Variants in TRPS1 observed in about 807,000 individuals in gnomAD.
TRPS1 encodes zinc finger transcription factor Trps1.
Under a neutral mutation model 101.2 loss-of-function variants are expected in TRPS1, and 6 were observed. That is an observed-to-expected ratio of 0.06 (90% confidence interval 0.03 to 0.12). The LOEUF (loss-of-function observed/expected upper bound fraction) is 0.12. Ranked by LOEUF, TRPS1 falls within the 10% of genes least tolerant of loss-of-function variation. The pLI is 1.00. For synonymous variants in TRPS1, 578 were observed against 589.8 expected (o/e 0.98, Z 0.29); for missense variants, 1,363 against 1,567.0 (o/e 0.87, Z 2.20).
rs2205379 is a variant in TRPS1 at position 115,625,231 on chromosome 8, C to A, written c.-121-1473G>T. ...AAAGAATCAAAACATGAGTAAAAAT[C>A]GTATGGAAATTGCATATCCAGTTTC... On this transcript the variant is annotated intron_variant, in intron 1 of 6. Transcript: ENST00000395715. Among the ~76,000 whole-genome samples, 1,432 of 151,898 alleles carry A rather than the reference C, an allele frequency of 9.4e-3. 30 individuals carry two copies. The highest frequency in any genetic ancestry group is 0.033 in the African/African-American group (1,376 of 41,496).
chr8:115,535,515 T>C (rs1347560921), intron 5 of TRPS1, among the ~76,000 whole-genome samples: 1 of 148,642 alleles, frequency 6.7e-6, no homozygotes, highest in African/African-American at 2.5e-5. Flanking sequence ...ATAGCGCATA[T>C]ATATAGCGCA....
rs1171556812 is a variant in TRPS1, at chr8:115,414,037, T to C, written c.3871A>G (p.Lys1291Glu). 1 of 1,613,652 alleles carries C rather than the reference T, an allele frequency of 6.2e-7. No homozygotes were observed. Among genetic ancestry groups the C allele is most frequent in the South Asian group, 1.1e-5 (1 of 91,030 alleles). Residue 1291 changes from lysine (K) to glutamate (E), a missense_variant, in exon 7 of 7, where the codon AAA becomes GAA. Around this residue, in one of 5 missense-constraint regions of TRPS1, gnomAD observed 307 missense variants for 392.4 expected, o/e 0.78. Transcript: ENST00000395715. This position sits in a 1 kb window ranked among gnomAD's most constrained non-coding sequence, Gnocchi z 4.8. ...GTGCTAAGGTTTTACTCTTTAGGTT[T>C]TCCATTTTTTTCCACTTGTGCATTG... ...RNNAQVEKNGKPKE is the reference protein window; with the variant it reads ...RNNAQVEKNGEPKE
chr8:115,424,186 T>C (rs1210150440), intron 5 of TRPS1, among the ~76,000 whole-genome samples: 2 of 152,236 alleles, frequency 1.3e-5, no homozygotes, highest in African/African-American at 4.8e-5. Flanking sequence ...ATCTTAGCCA[T>C]TTTAAATCGA....
At chr8:115,464,799 T>C (rs1272000477) in intron 5 of TRPS1, among the ~76,000 whole-genome samples, 1 of 152,112 alleles carries the variant, frequency 6.6e-6, no homozygotes, top group Non-Finnish European at 1.5e-5. Flanking sequence ...AAATTTTTTC[T>C]TACTGTCAGG....
chr8:115,456,073 G>A (rs974862455), intron 5 of TRPS1, among the ~76,000 whole-genome samples: 1 of 152,068 alleles, frequency 6.6e-6, no homozygotes, highest in African/African-American at 2.4e-5. Flanking sequence ...TGTGATAGGT[G>A]TGAGCCACGG....
At chr8:115,419,113 C>T (rs1435786089) in intron 5 of TRPS1, among the ~76,000 whole-genome samples, 1 of 152,092 alleles carries the variant, frequency 6.6e-6, no homozygotes, top group African/African-American at 2.4e-5. Flanking sequence ...AACATAGACC[C>T]TTCAATGGCT....
chr8:115,614,960 AC>A (rs1437335447), intron 3 of TRPS1, among the ~76,000 whole-genome samples: 1 of 152,222 alleles, frequency 6.6e-6, no homozygotes. Context: ...TGTTGAAAAT[AC>A]AAATCCAAAG....
intron 1 of TRPS1, among the ~76,000 whole-genome samples, chr8:115,625,541 T>G (rs994625253): frequency 6.6e-6 from 1 of 151,794 alleles, no homozygotes; most frequent in African/African-American, 2.4e-5. Context: ...TCCCCCAATA[T>G]TCATTCATTC....
intron 5 of TRPS1, among the ~76,000 whole-genome samples, chr8:115,554,815 T>C (rs980895084): frequency 2.0e-5 from 3 of 152,068 alleles, no homozygotes; most frequent in African/African-American, 7.2e-5. Context: ...CTGCTCTAGA[T>C]GGCACAGGTT....
At chr8:115,487,993 T>C (rs1331022737) in intron 5 of TRPS1, among the ~76,000 whole-genome samples, 2 of 152,136 alleles carry the variant, frequency 1.3e-5, no homozygotes, top group African/African-American at 4.8e-5. Flanking sequence ...AGGAAATCTT[T>C]CACGAAAAGA....
At chr8:115,520,876 A>C (rs539394402) in intron 5 of TRPS1, among the ~76,000 whole-genome samples, 1 of 151,518 alleles carries the variant, frequency 6.6e-6, no homozygotes, top group Non-Finnish European at 1.5e-5. Context: ...CCATCTCACT[A>C]TTTTCCTTAT....
chr8:115,475,665 C>CTATCTCGTTTAGCAGTGT (rs1814586706), intron 5 of TRPS1, among the ~76,000 whole-genome samples: 1 of 151,968 alleles, frequency 6.6e-6, no homozygotes, highest in African/African-American at 2.4e-5. Flanking sequence ...TTTAGCAGTG[C>CTATCTCGTTTAGCAGTGT]TATCTCGTTT....
intron 5 of TRPS1, among the ~76,000 whole-genome samples, chr8:115,561,400 C>T (rs1586404061): frequency 1.3e-5 from 2 of 152,010 alleles, no homozygotes; most frequent in South Asian, 4.2e-4. Context: ...ACAGGACAAG[C>T]CACATTCTTC....
chr8:115,441,898 AGTGTGT>A (rs796637255), intron 5 of TRPS1, among the ~76,000 whole-genome samples: 1 of 116,148 alleles, frequency 8.6e-6, no homozygotes, highest in Non-Finnish European at 1.8e-5. Context: ...AGAGAGAGAG[AGTGTGT>A]GTGTGTGTGT....
chr8:115,550,623 G>A (rs566728045), intron 5 of TRPS1, among the ~76,000 whole-genome samples: 2 of 152,280 alleles, frequency 1.3e-5, no homozygotes, highest in African/African-American at 4.8e-5. Flanking sequence ...CTCTGGTACT[G>A]GAAATCTTCT....
At chr8:115,667,999 G>T in intron 1 of TRPS1, 1 of 1,158,590 alleles carries the variant, frequency 8.6e-7, no homozygotes, top group Non-Finnish European at 1.2e-6. Flanking sequence ...CGCCCGGTAG[G>T]AGAGAATTAA....
intron 1 of TRPS1, among the ~76,000 whole-genome samples, chr8:115,631,463 T>C (rs957813196): frequency 6.6e-5 from 10 of 152,244 alleles, no homozygotes; most frequent in Admixed American, 6.6e-4. Context: ...CTGAGGCTCA[T>C]TTCCATCATC....
chr8:115,417,517 A>G (rs923632284), intron 6 of TRPS1, among the ~76,000 whole-genome samples: 1 of 152,132 alleles, frequency 6.6e-6, no homozygotes, highest in African/African-American at 2.4e-5. Flanking sequence ...GGGGATGCCT[A>G]TTTTAAAGTC....
intron 5 of TRPS1, among the ~76,000 whole-genome samples, chr8:115,453,244 C>A (rs1211858966): frequency 6.6e-6 from 1 of 152,140 alleles, no homozygotes; most frequent in Non-Finnish European, 1.5e-5. Flanking sequence ...TGGTCTTGAA[C>A]TTCTGACCTT....
Sources: gnomAD v4.1 joint callset for allele counts (sites outside exome capture counted in the v4.1 genomes callset) on GRCh38, gnomAD v4.1.1 for gene constraint, gnomAD v4.1.1 regional missense constraint, Gnocchi (gnomAD v3.1) non-coding constraint, MANE v1.5 for transcripts, NCBI Gene and HGNC (gene_info 2026-07-23, HGNC 2026-07-21) for gene names.